PTPDC1: variants seen among roughly 807,000 people sequenced by gnomAD.
PTPDC1 encodes the protein protein tyrosine phosphatase domain-containing protein 1.
In PTPDC1, 53 loss-of-function variants were observed where a neutral mutation model predicts 75.3. That is an observed-to-expected ratio of 0.70 (90% confidence interval 0.56 to 0.88). The LOEUF is 0.88. Among genes scored for constraint, PTPDC1 ranks in the 40% least tolerant of loss-of-function variants. The probability of loss-of-function intolerance (pLI) is 0.00; values close to 1 mark genes in which losing one functional copy is unlikely to be tolerated. For missense variants in PTPDC1, 925 were observed against 998.6 expected (o/e 0.93, Z 0.99); for synonymous variants, 349 against 366.2 (o/e 0.95, Z 0.54).
In PTPDC1 at chr9:94,098,277, C is replaced by T; in HGVS notation, c.1711C>T (p.Pro571Ser). Residue 571 changes from proline to serine, a missense_variant, in exon 6 of 9, where the codon CCT (proline) becomes TCT (serine). Coordinates refer to ENST00000620992, the MANE Select transcript of PTPDC1 (RefSeq NM_001253829.2). ...SFANVHKDPN[P>S]AHQQVSHCQC... ...TGCAAATGTCCATAAGGATCCAAAC[C>T]CTGCTCACCAGCAAGTGTCTCACTG... is the stretch of plus-strand genomic sequence containing the variant. The T allele has an allele frequency of 1.9e-6, 3 of 1,614,188 alleles. No individual in the cohort carries two copies. Among genetic ancestry groups the T allele is most frequent in the Non-Finnish European group, 2.5e-6 (3 of 1,180,040 alleles).
At chr9:94,085,718 A>T (rs1351292076) in intron 2 of PTPDC1, among the ~76,000 whole-genome samples, 2 of 152,256 alleles carry the variant, frequency 1.3e-5, no homozygotes, top group Non-Finnish European at 2.9e-5. Flanking sequence ...AAATTTCAGA[A>T]ATGTTTAGAA....
At chr9:94,094,958 C>T (rs947301748) in intron 4 of PTPDC1, among the ~76,000 whole-genome samples, 1 of 152,232 alleles carries the variant, frequency 6.6e-6, no homozygotes, top group African/African-American at 2.4e-5. Context: ...CGTGCGCCCA[C>T]TGACCTGCGC....
upstream of PTPDC1, among the ~76,000 whole-genome samples, chr9:94,081,561 C>T (rs1431327436): frequency 3.3e-5 from 5 of 152,112 alleles, no homozygotes; most frequent in African/African-American, 1.2e-4. Context: ...CTAAAGTGTT[C>T]GATTGTGTTG....
Position 94,066,598 on chromosome 9 carries a change from C to T in PTPDC1, c.82+1777C>T, listed in dbSNP as rs1052757785. 2.0e-5 allele frequency among the ~76,000 whole-genome samples: 3 copies of T among 152,178 alleles called. No individual in the cohort carries two copies. The South Asian group carries it at 6.2e-4, about 32-fold the overall frequency. On this transcript the variant is annotated intron_variant, in intron 2 of 9. Coordinates refer to the PTPDC1 transcript ENST00000375360. ...TTTGAGATGGCGTCTCACTCTGTTG[C>T]CTAGGCTGGAGGGCAGTGATGCAAT...
chr9:94,085,551 G>C lies in PTPDC1; in HGVS notation c.416+129G>C, dbSNP rs998040077. 6.4e-6 allele frequency: 6 copies of C among 933,966 alleles called. No homozygotes were observed. The African/African-American group carries it at 9.9e-5, about 15-fold the overall frequency. 57.9% of individuals were successfully genotyped at this position (933,966 alleles called of 1,614,324 possible). ...AGTCAGGACCTCACTTTGCCAGTCAGTTCTGGCTTTGCCTTAGCTGTGTGA... is the reference window on the plus strand; with the variant it reads ...AGTCAGGACCTCACTTTGCCAGTCACTTCTGGCTTTGCCTTAGCTGTGTGA... On this transcript the variant is annotated intron_variant, in intron 2 of 8. Coordinates refer to ENST00000620992, the MANE Select transcript of PTPDC1 (RefSeq NM_001253829.2).
At chr9:94,052,878 A>T (rs539052306) in intron 1 of PTPDC1, among the ~76,000 whole-genome samples, 1 of 152,242 alleles carries the variant, frequency 6.6e-6, no homozygotes, top group Admixed American at 6.5e-5. Context: ...AGTGTCTTTG[A>T]TAGTATCTTT....
In PTPDC1 at chr9:94,098,153, C is replaced by A. The variant is rs150078190; in HGVS notation, c.1587C>A (p.Phe529Leu). Residue 529 changes from phenylalanine (F) to leucine (L), a missense_variant, in exon 6 of 9, where the codon TTC (phenylalanine) becomes TTA (leucine). Phe to Leu is a conservative substitution (Grantham distance 22). Coordinates refer to ENST00000620992, the MANE Select transcript of PTPDC1 (RefSeq NM_001253829.2). ...TCAAAGATAATGGGTCACCAATTTT[C>A]CATGGAAGGATCATTCCAAAGGAAG... Reference protein sequence around the residue: ...EGLKDNGSPIFHGRIIPKEAQ... With the variant: ...EGLKDNGSPILHGRIIPKEAQ... 6.4e-5 allele frequency: 103 copies of A among 1,614,220 alleles called. 1 individual carries two copies. The African/African-American group carries it at 1.1e-3, about 17-fold the overall frequency.
At chr9:94,094,739 C>T (rs76607091) in intron 4 of PTPDC1, among the ~76,000 whole-genome samples, 8 of 152,218 alleles carry the variant, frequency 5.3e-5, no homozygotes, top group Admixed American at 4.6e-4. Flanking sequence ...ACTCCGTGGG[C>T]GTAGGACCCT....
At chr9:94,092,096 T>C (rs1827346810) in intron 4 of PTPDC1, among the ~76,000 whole-genome samples, 1 of 151,640 alleles carries the variant, frequency 6.6e-6, no homozygotes, top group Admixed American at 6.6e-5. Flanking sequence ...AGTTCTGCTC[T>C]GAGTTTAGTT....
intron 1 of PTPDC1, among the ~76,000 whole-genome samples, chr9:94,033,165 C>T (rs1463271960): frequency 6.6e-6 from 1 of 152,046 alleles, no homozygotes; most frequent in Non-Finnish European, 1.5e-5. Flanking sequence ...CCAGCCTGCA[C>T]GTCCTTTTTC....
chr9:94,099,592 A>G (rs1183858837), intron 6 of PTPDC1, among the ~76,000 whole-genome samples: 3 of 152,224 alleles, frequency 2.0e-5, no homozygotes, highest in African/African-American at 7.2e-5. Flanking sequence ...TGTTCTTCAG[A>G]ATTGTGTTTC....
intron 1 of PTPDC1, among the ~76,000 whole-genome samples, chr9:94,058,469 C>T (rs371744255): frequency 1.3e-5 from 2 of 151,570 alleles, no homozygotes; most frequent in East Asian, 1.9e-4. Context: ...GAGGCTGAGG[C>T]GGGCGGATCA....
Position 94,088,205 on chromosome 9 carries a change from C to A in PTPDC1, c.558C>A (p.Asn186Lys), listed in dbSNP as rs1827146364. The A allele has an allele frequency of 6.2e-7, 1 of 1,613,846 alleles. No individual in the cohort carries two copies. The highest frequency in any genetic ancestry group is 1.3e-5 in the African/African-American group (1 of 74,968). ...QRPGEHASCGNPLEQESGFTY... is the reference protein window; with the variant it reads ...QRPGEHASCGKPLEQESGFTY... ...CTGGTGAGCATGCTAGCTGTGGGAA[C>A]CCTCTGGAACAAGAAAGTGGCTTCA... The change falls in exon 4 of 9, where the codon AAC becomes AAA. Residue 186 changes from asparagine (N) to lysine (K), a missense_variant. Physicochemically the swap from Asn to Lys is moderately conservative, Grantham distance 94. Coordinates refer to ENST00000620992, the MANE Select transcript of PTPDC1 (RefSeq NM_001253829.2).
At chr9:94,082,157 T>C (rs1826904247), upstream of PTPDC1, among the ~76,000 whole-genome samples, 1 of 152,232 alleles carries the variant, frequency 6.6e-6, no homozygotes, top group Admixed American at 6.5e-5. Flanking sequence ...AACAGTGGAA[T>C]AGTCAGTTCC....
chr9:94,032,748 T>C (rs1829751413), intron 1 of PTPDC1, among the ~76,000 whole-genome samples: 1 of 152,186 alleles, frequency 6.6e-6, no homozygotes, highest in African/African-American at 2.4e-5. Flanking sequence ...CTCATACTCC[T>C]GGGCTTAAAT....
chr9:94,095,220 C>T lies in PTPDC1; in HGVS notation c.617-97C>T, dbSNP rs556936815. On this transcript the variant is annotated intron_variant, in intron 4 of 8. Transcript: ENST00000620992. ...CAGTGTATGCACTGAGATCTACATG[C>T]CTCAGTCTCAGTGTAGATCTGTGTA... The T allele has an allele frequency of 8.1e-6, 7 of 869,386 alleles. No individual in the cohort carries two copies. In the East Asian group the frequency reaches 1.7e-4, roughly 21 times the overall value. 53.9% of individuals were successfully genotyped at this position (869,386 alleles called of 1,614,324 possible).
intron 2 of PTPDC1, among the ~76,000 whole-genome samples, chr9:94,079,300 T>C (rs1356493445): frequency 6.6e-6 from 1 of 150,838 alleles, no homozygotes; most frequent in Non-Finnish European, 1.5e-5. Context: ...GGTTTTTTTT[T>C]AGCAGGGCAC....
At chr9:94,100,335 A>G (rs1478847584) in intron 6 of PTPDC1, 1 of 152,242 alleles carries the variant, frequency 6.6e-6, no homozygotes, top group Non-Finnish European at 1.5e-5. Context: ...TCATTTTGCT[A>G]AGAGCATTTT....
Position 94,052,463 on chromosome 9 carries a change from A to C in PTPDC1, c.-6-12271A>C, listed in dbSNP as rs77805464. On this transcript the variant is annotated intron_variant, in intron 1 of 9. Transcript: ENST00000375360. Reference sequence around the variant, plus strand: ...GTTCTATAAATATAAATTAGATCAAAACTTAGTTGATAGTGCTGTTCAAGT... The same window carrying C: ...GTTCTATAAATATAAATTAGATCAACACTTAGTTGATAGTGCTGTTCAAGT... Among the ~76,000 whole-genome samples, 180 of 152,278 alleles carry C rather than the reference A, an allele frequency of 1.2e-3. 3 individuals carry two copies. Among genetic ancestry groups the C allele is most frequent in the Admixed American group, 7.1e-3 (108 of 15,294 alleles).
Sources: gnomAD v4.1 joint callset for allele counts (sites outside exome capture counted in the v4.1 genomes callset) on GRCh38, gnomAD v4.1.1 for gene constraint, MANE v1.5 for transcripts, NCBI Gene and HGNC (gene_info 2026-07-23, HGNC 2026-07-21) for gene names.